Variants in SLC35F4 observed in about 807,000 individuals in gnomAD.
The protein encoded by SLC35F4 is solute carrier family 35 member F4, also known as chromosome 14 open reading frame 36.
SLC35F4 carries 24 observed loss-of-function variants against 44.2 expected under a neutral mutation model. The ratio of observed to expected loss-of-function variants is 0.54; its 90% CI spans 0.39 to 0.76. The LOEUF is 0.76. SLC35F4 is among the 30% of genes least tolerant of loss of function. The pLI is 0.00. For synonymous variants in SLC35F4, 238 were observed against 223.6 expected (o/e 1.06, Z -0.57); for missense variants, 562 against 586.1 (o/e 0.96, Z 0.42).
At chr14:57,622,755 C>A (rs1040104803) in intron 1 of SLC35F4, among the ~76,000 whole-genome samples, 2 of 151,934 alleles carry the variant, frequency 1.3e-5, no homozygotes, top group Non-Finnish European at 2.9e-5. Flanking sequence ...ACCAGCATGG[C>A]ACATGTATAC....
chr14:57,900,298 C>G (rs1888972783), intron 1 of SLC35F4, among the ~76,000 whole-genome samples: 1 of 152,222 alleles, frequency 6.6e-6, no homozygotes, highest in Non-Finnish European at 1.5e-5. Flanking sequence ...TCCCACAGCT[C>G]CAGCAAACAT....
upstream of SLC35F4, among the ~76,000 whole-genome samples, chr14:57,982,929 A>G (rs2141102555): frequency 6.6e-6 from 1 of 152,228 alleles, no homozygotes; most frequent in East Asian, 1.9e-4. Context: ...TATGGGAAAT[A>G]GGTGACTGCC....
chr14:57,684,961 C>T (rs2140314326), intron 1 of SLC35F4, among the ~76,000 whole-genome samples: 1 of 152,140 alleles, frequency 6.6e-6, no homozygotes, highest in South Asian at 2.1e-4. Context: ...GATAATTAGC[C>T]CTTTTTGTTT....
At chr14:57,945,832 G>A (rs538344399) in intron 1 of SLC35F4, among the ~76,000 whole-genome samples, 4 of 152,222 alleles carry the variant, frequency 2.6e-5, no homozygotes, top group African/African-American at 7.2e-5. Context: ...GAGTAAGGTG[G>A]AATCGCATTG....
At chr14:57,917,324 G>A (rs145692875) in intron 1 of SLC35F4, among the ~76,000 whole-genome samples, 8,885 of 152,270 alleles carry the variant, frequency 0.058, 318 homozygotes, top group Middle Eastern at 0.085. Flanking sequence ...CTCCCAAAGT[G>A]CTGGGATTAC....
At chr14:57,924,965 C>T (rs375182794) in intron 1 of SLC35F4, among the ~76,000 whole-genome samples, 8 of 151,854 alleles carry the variant, frequency 5.3e-5, no homozygotes, top group Non-Finnish European at 1.0e-4. Context: ...TATGTTGCCC[C>T]GGCTGGTCTT....
chr14:57,664,948 T>C lies in SLC35F4; in HGVS notation c.104-70824A>G, dbSNP rs1400592847. ...GAGAGTAAAAAGTGACTTTGGCTTC[T>C]TGAGCTTTCCAAGAAGGCAGGTGGG... On this transcript the variant is annotated intron_variant, in intron 1 of 7. Coordinates refer to ENST00000556826, the MANE Select transcript of SLC35F4 (RefSeq NM_001306087.2). Among the ~76,000 whole-genome samples the C allele has an allele frequency of 2.0e-5, 3 of 152,128 alleles. No homozygotes were observed. In the East Asian group the frequency reaches 5.8e-4, roughly 29 times the overall value.
intron 1 of SLC35F4, among the ~76,000 whole-genome samples, chr14:57,623,523 C>T (rs776806308): frequency 9.2e-5 from 14 of 152,222 alleles, no homozygotes; most frequent in Non-Finnish European, 1.8e-4. Context: ...CTCAGCACCA[C>T]ATTGCACTTA....
chr14:57,862,034 G>A (rs1257035489), intron 1 of SLC35F4, among the ~76,000 whole-genome samples: 4 of 152,050 alleles, frequency 2.6e-5, no homozygotes, highest in East Asian at 3.9e-4. Flanking sequence ...ATTACATTTA[G>A]TATCTCTAAA....
At chr14:57,975,895 T>C (rs1341503488), downstream of SLC35F4, among the ~76,000 whole-genome samples, 1 of 152,222 alleles carries the variant, frequency 6.6e-6, no homozygotes, top group African/African-American at 2.4e-5. Flanking sequence ...GTCATTATCA[T>C]ACTGGTCAGC....
At chr14:57,713,981 T>C in intron 1 of SLC35F4, among the ~76,000 whole-genome samples, 1 of 152,104 alleles carries the variant, frequency 6.6e-6, no homozygotes, top group Middle Eastern at 3.2e-3. Context: ...CACAAATATT[T>C]CTGCAGATAA....
intron 1 of SLC35F4, among the ~76,000 whole-genome samples, chr14:57,965,130 C>T (rs59201318): frequency 0.1 from 15,559 of 151,904 alleles, 895 homozygotes; most frequent in Non-Finnish European, 0.12. Context: ...ATTATTATCT[C>T]ACAATAATTC....
chr14:57,832,632 T>C (rs535750056), intron 1 of SLC35F4, among the ~76,000 whole-genome samples: 3 of 152,328 alleles, frequency 2.0e-5, no homozygotes, highest in African/African-American at 7.2e-5. Context: ...ATACAATTTA[T>C]TAGAAACAAT....
chr14:57,660,801 T>C (rs991878662), intron 1 of SLC35F4, among the ~76,000 whole-genome samples: 6 of 152,106 alleles, frequency 3.9e-5, no homozygotes, highest in Non-Finnish European at 8.8e-5. Context: ...TCCTCCAGTC[T>C]AGTCAAGCCT....
chr14:57,968,760 T>C (rs1187562101), intron 1 of SLC35F4, among the ~76,000 whole-genome samples: 1 of 152,142 alleles, frequency 6.6e-6, no homozygotes, highest in South Asian at 2.1e-4. Context: ...ACACTAAAGA[T>C]ACAAAGTGGC....
chr14:57,965,133 A>C (rs1288216668), intron 1 of SLC35F4, among the ~76,000 whole-genome samples: 4 of 152,048 alleles, frequency 2.6e-5, no homozygotes, highest in African/African-American at 9.7e-5. Flanking sequence ...ATTATCTCAC[A>C]ATAATTCTGT....
chr14:57,860,572 T>C (rs970390238), intron 1 of SLC35F4, among the ~76,000 whole-genome samples: 3 of 152,148 alleles, frequency 2.0e-5, no homozygotes, highest in African/African-American at 7.2e-5. Flanking sequence ...AAGGATATAA[T>C]TAATTTCCAA....
At chr14:57,608,007 G>A (rs978281544) in intron 1 of SLC35F4, among the ~76,000 whole-genome samples, 2 of 152,182 alleles carry the variant, frequency 1.3e-5, no homozygotes, top group African/African-American at 4.8e-5. Context: ...TGGTTTGTGG[G>A]AAGGGTAATG....
chr14:57,743,424 C>A (rs1432134778), intron 1 of SLC35F4, among the ~76,000 whole-genome samples: 2 of 152,096 alleles, frequency 1.3e-5, no homozygotes, highest in Admixed American at 6.5e-5. Flanking sequence ...ATACAAACTA[C>A]CATCAGGGAA....
Sources: gnomAD v4.1 joint callset for allele counts (sites outside exome capture counted in the v4.1 genomes callset) on GRCh38, gnomAD v4.1.1 for gene constraint, MANE v1.5 for transcripts, NCBI Gene and HGNC (gene_info 2026-07-23, HGNC 2026-07-21) for gene names.